Variants in PGR observed in about 807,000 individuals in gnomAD.
PGR encodes progesterone receptor, also known as nuclear receptor subfamily 3 group C member 3.
Under a neutral mutation model 76.1 loss-of-function variants are expected in PGR, and 25 were observed. The observed-to-expected ratio is 0.33, with a 90% confidence interval of 0.24 to 0.46. The LOEUF is 0.46. Ranked by LOEUF, PGR falls within the 20% of genes least tolerant of loss-of-function variation. The probability of loss-of-function intolerance (pLI) is 1.00; values close to 1 mark genes in which losing one functional copy is unlikely to be tolerated. For missense variants in PGR, 1,172 were observed against 1,225.3 expected (o/e 0.96, Z 0.65); for synonymous variants, 579 against 535.0 (o/e 1.08, Z -1.14).
chr11:101,128,053 C>T lies in PGR; in HGVS notation c.1018G>A (p.Ala340Thr). The stretch of plus-strand genomic sequence containing the variant: ...GCACAGGGTGAACTCCGCGGCGGGG[C>T]AAAGGCGCTGGCAGCCCCGGCCCCG... ...DGGAGAASAF[A>T]PPRSSPCASS... The change falls in exon 1 of 8, where the codon GCC (alanine) becomes ACC (threonine). Residue 340 changes from alanine to threonine, a missense_variant. This residue lies in a region of PGR where 893 missense variants were observed against 785.9 expected (regional missense o/e 1.14). Transcript: ENST00000325455. 6.2e-7 allele frequency: 1 copy of T among 1,603,794 alleles called. No homozygotes were observed. Among genetic ancestry groups the T allele is most frequent in the South Asian group, 1.1e-5 (1 of 91,064 alleles).
intron 2 of PGR, among the ~76,000 whole-genome samples, chr11:101,101,162 A>T (rs766444910): frequency 6.6e-6 from 1 of 152,188 alleles, no homozygotes; most frequent in Non-Finnish European, 1.5e-5. Context: ...ATTGTGTTTC[A>T]TTGACCACTG....
At chr11:101,074,698 G>A (rs1226127069) in intron 3 of PGR, among the ~76,000 whole-genome samples, 3 of 152,080 alleles carry the variant, frequency 2.0e-5, no homozygotes, top group Non-Finnish European at 4.4e-5. Context: ...CAAACAGAGA[G>A]CCCAAACATG....
chr11:101,044,110 T>A (rs1197801710), intron 6 of PGR, among the ~76,000 whole-genome samples: 1 of 152,198 alleles, frequency 6.6e-6, no homozygotes, highest in African/African-American at 2.4e-5. Context: ...CTAGATGACA[T>A]CTTCTTCCAG....
At chr11:101,041,430 G>C (rs925152410) in intron 7 of PGR, among the ~76,000 whole-genome samples, 1 of 151,836 alleles carries the variant, frequency 6.6e-6, no homozygotes, top group Non-Finnish European at 1.5e-5. Context: ...TTCCCCCTCT[G>C]CTATGGTGAA....
Position 101,050,208 on chromosome 11 carries a change from T to C in PGR, c.2358-149A>G, listed in dbSNP as rs1860039655. ...TACTACTTTTAATAAACAAACCCAA[T>C]ATTTGGAATTTTAAACATCTTCTAA... is the stretch of plus-strand genomic sequence containing the variant. On this transcript the variant is annotated intron_variant, in intron 5 of 7. Coordinates refer to ENST00000325455, the MANE Select transcript of PGR (RefSeq NM_000926.4). 2.0e-5 allele frequency: 16 copies of C among 786,038 alleles called. No homozygotes were observed. In the Middle Eastern group the frequency reaches 8.5e-4, roughly 42 times the overall value. The allele number at this position is 786,038 out of a possible 1,614,324, so 48.7% of individuals were successfully genotyped here.
intron 2 of PGR, among the ~76,000 whole-genome samples, chr11:101,106,025 A>C (rs1178267051): frequency 6.6e-6 from 1 of 152,132 alleles, no homozygotes; most frequent in Non-Finnish European, 1.5e-5. Context: ...GCTAGCCATA[A>C]GCAGAAAACT....
At chr11:101,117,996 A>G (rs963951913) in intron 2 of PGR, among the ~76,000 whole-genome samples, 1 of 152,226 alleles carries the variant, frequency 6.6e-6, no homozygotes, top group African/African-American at 2.4e-5. Context: ...TTTCCTCTCT[A>G]GTTCACTTAT....
rs1358718568 is a variant in PGR, at chr11:101,098,067, T to C, written c.1790-6191A>G. On this transcript the variant is annotated intron_variant, in intron 2 of 7. Coordinates refer to ENST00000325455, the MANE Select transcript of PGR (RefSeq NM_000926.4). ...CTGAGATTACAGGCGTGAGCCACCG[T>C]GCCCAGCCCCAAGTGTTACTCTTAA... Among the ~76,000 whole-genome samples, 6 of 152,162 alleles carry C rather than the reference T, an allele frequency of 3.9e-5. No individual in the cohort carries two copies. In the East Asian group the frequency reaches 7.8e-4, roughly 20 times the overall value.
chr11:101,040,198 C>T (rs898985667), intron 7 of PGR, among the ~76,000 whole-genome samples: 13 of 152,010 alleles, frequency 8.6e-5, no homozygotes, highest in African/African-American at 2.7e-4. Flanking sequence ...TAGTCAAATT[C>T]TGCAACAGAA....
chr11:101,045,244 G>T (rs1168798931), intron 6 of PGR, among the ~76,000 whole-genome samples: 1 of 152,056 alleles, frequency 6.6e-6, no homozygotes, highest in African/African-American at 2.4e-5. Flanking sequence ...GTATATCTAT[G>T]CAAATTTTTG....
intron 4 of PGR, 27 bp downstream of exon 4, chr11:101,062,420 C>A (rs1860535756): frequency 6.6e-7 from 1 of 1,522,086 alleles, no homozygotes; most frequent in African/African-American, 1.4e-5. Flanking sequence ...TTTTTTATTA[C>A]ATGCTGTATA....
At chr11:101,076,000 C>A (rs899468535) in intron 3 of PGR, among the ~76,000 whole-genome samples, 3 of 151,952 alleles carry the variant, frequency 2.0e-5, no homozygotes, top group Non-Finnish European at 4.4e-5. Context: ...ATCATTGTAC[C>A]ATAAAGACAC....
intron 2 of PGR, among the ~76,000 whole-genome samples, chr11:101,110,571 C>T (rs1862314189): frequency 6.6e-6 from 1 of 152,146 alleles, no homozygotes; most frequent in African/African-American, 2.4e-5. Context: ...AAAGCGGTTT[C>T]TTGAGATTCA....
intron 6 of PGR, among the ~76,000 whole-genome samples, chr11:101,043,922 G>T (rs1859777865): frequency 6.6e-6 from 1 of 152,152 alleles, no homozygotes; most frequent in African/African-American, 2.4e-5. Flanking sequence ...AGAACAGATT[G>T]AGCGTAATTC....
At chr11:101,121,805 T>C (rs778513102) in intron 2 of PGR, among the ~76,000 whole-genome samples, 4 of 152,204 alleles carry the variant, frequency 2.6e-5, no homozygotes, top group Non-Finnish European at 5.9e-5. Flanking sequence ...GCATGGCAGG[T>C]ACTCAATAAA....
intron 4 of PGR, among the ~76,000 whole-genome samples, chr11:101,058,006 C>A (rs1261528793): frequency 6.6e-6 from 1 of 151,776 alleles, no homozygotes; most frequent in Non-Finnish European, 1.5e-5. Context: ...AAAGATAGAA[C>A]CCAGAACACA....
chr11:101,041,995 T>C lies in PGR; in HGVS notation c.2596A>G (p.Ser866Gly). Residue 866 changes from serine to glycine, a missense_variant, in exon 7 of 8, where the codon AGC becomes GGC. By Grantham distance (56) the Ser-to-Gly change is moderately conservative. This residue lies in a region of PGR where 166 missense variants were observed against 296.0 expected (regional missense o/e 0.56). Transcript: ENST00000325455. ...IGLRQKGVVS[S>G]SQRFYQLTKL... ...GTAAGTTGATAGAAACGCTGTGAGCTCGACACAACTCCTTTTTGCCTCAAA... is the reference window on the plus strand; with the variant it reads ...GTAAGTTGATAGAAACGCTGTGAGCCCGACACAACTCCTTTTTGCCTCAAA... 1 of 1,613,622 alleles carries C rather than the reference T, an allele frequency of 6.2e-7. No homozygotes were observed. The highest frequency in any genetic ancestry group is 8.5e-7 in the Non-Finnish European group (1 of 1,179,698).
intron 3 of PGR, among the ~76,000 whole-genome samples, chr11:101,079,447 A>C (rs549744000): frequency 6.6e-6 from 1 of 152,202 alleles, no homozygotes; most frequent in Non-Finnish European, 1.5e-5. Context: ...TCCCATTTAA[A>C]AATAGGCAAA....
At chr11:101,075,913 T>C (rs1306696861) in intron 3 of PGR, among the ~76,000 whole-genome samples, 1 of 152,212 alleles carries the variant, frequency 6.6e-6, no homozygotes, top group African/African-American at 2.4e-5. Context: ...AGTGTGGTGA[T>C]TCCTCAAGGA....
Sources: gnomAD v4.1 joint callset for allele counts (sites outside exome capture counted in the v4.1 genomes callset) on GRCh38, gnomAD v4.1.1 for gene constraint, gnomAD v4.1.1 regional missense constraint, MANE v1.5 for transcripts, NCBI Gene and HGNC (gene_info 2026-07-23, HGNC 2026-07-21) for gene names.